Variants in STRBP observed in about 807,000 individuals in gnomAD.
STRBP encodes spermatid perinuclear RNA binding protein, also known as spermatid perinuclear RNA-binding protein.
In STRBP, 13 loss-of-function variants were observed where a neutral mutation model predicts 80.1. That is an observed-to-expected ratio of 0.16 (90% CI 0.11 to 0.26). The LOEUF (loss-of-function observed/expected upper bound fraction) is 0.26. Ranked by LOEUF, STRBP falls within the 10% of genes least tolerant of loss-of-function variation. The probability of loss-of-function intolerance (pLI) is 1.00; values close to 1 mark genes in which losing one functional copy is unlikely to be tolerated. For missense variants in STRBP, 485 were observed against 815.2 expected, an observed-to-expected ratio of 0.59 and a Z score of 4.93; for synonymous variants, 284 against 291.2, an observed-to-expected ratio of 0.98 and a Z score of 0.25.
In STRBP at chr9:123,115,319, C is replaced by G. The variant is rs1415651451; in HGVS notation, c.*84+610G>C. On this transcript the variant is annotated intron_variant and NMD_transcript_variant, in intron 3 of 3. Coordinates refer to the STRBP transcript ENST00000471564. This position sits in a 1 kb window ranked among gnomAD's most constrained non-coding sequence, Gnocchi z 5.0. ...TCAGTAAGCACTTCTCTCCTGAGGC[C>G]TGGCTCCTCTCCTGCCCTCGGCGGG... The G allele has an allele frequency of 2.1e-6, 1 of 471,148 alleles. No individual in the cohort carries two copies. The highest frequency in any genetic ancestry group is 2.0e-5 in the African/African-American group (1 of 50,192). 29.2% of individuals were successfully genotyped at this position (471,148 alleles called of 1,614,324 possible).
At chr9:123,208,102 A>G (rs1290178409) in intron 2 of STRBP, among the ~76,000 whole-genome samples, 2 of 151,966 alleles carry the variant, frequency 1.3e-5, no homozygotes, top group African/African-American at 4.8e-5. Flanking sequence ...GTTCTCCATC[A>G]AAGAAGACTG....
intron 11 of STRBP, among the ~76,000 whole-genome samples, chr9:123,156,496 G>T (rs1490888160): frequency 3.9e-5 from 6 of 152,006 alleles, no homozygotes; most frequent in Admixed American, 2.6e-4. Flanking sequence ...AGCACCCGAA[G>T]TGCTATGCTT....
At chr9:123,267,990 T>G (rs2132670816) in intron 1 of STRBP, among the ~76,000 whole-genome samples, 1 of 149,376 alleles carries the variant, frequency 6.7e-6, no homozygotes, top group Non-Finnish European at 1.5e-5. Context: ...CACCCCTATT[T>G]ACCCCCAAAT....
intron 1 of STRBP, among the ~76,000 whole-genome samples, chr9:123,253,661 C>A (rs927697111): frequency 2.6e-5 from 4 of 152,216 alleles, no homozygotes; most frequent in Admixed American, 1.3e-4. Context: ...ATAATATGCA[C>A]AACGCATGCC....
intron 9 of STRBP, 49 bp downstream of exon 9, chr9:123,159,047 T>G (rs2037411271): frequency 6.9e-7 from 1 of 1,448,770 alleles, no homozygotes; most frequent in Non-Finnish European, 9.7e-7. Flanking sequence ...AAAAATAAAC[T>G]AAACTGAGAT....
intron 13 of STRBP, 37 bp from the exon 14 acceptor site, chr9:123,139,724 C>T (rs1375502631): frequency 6.3e-7 from 1 of 1,592,488 alleles, no homozygotes; most frequent in East Asian, 2.2e-5. Context: ...TTTATTCAGA[C>T]ACGAGAAACC....
At chr9:123,175,057 CA>C (rs774769226) in intron 4 of STRBP, among the ~76,000 whole-genome samples, 7 of 152,146 alleles carry the variant, frequency 4.6e-5, no homozygotes, top group Non-Finnish European at 8.8e-5. Context: ...CATCTGAGCA[CA>C]AACAGGTGTC....
intron 2 of STRBP, among the ~76,000 whole-genome samples, chr9:123,229,291 A>C (rs912589732): frequency 6.6e-6 from 1 of 152,218 alleles, no homozygotes. Context: ...TAAATATACT[A>C]AAAACCACTG....
At chr9:123,158,457 A>G (rs758614969) in intron 9 of STRBP, 28 bp from the exon 10 acceptor site, 1 of 1,596,868 alleles carries the variant, frequency 6.3e-7, no homozygotes, top group East Asian at 2.2e-5. Flanking sequence ...CACAAGTATC[A>G]TTTAGAACTG....
intron 3 of STRBP, among the ~76,000 whole-genome samples, chr9:123,181,382 C>A (rs763326834): frequency 6.6e-6 from 1 of 152,156 alleles, no homozygotes. Flanking sequence ...AGCAAAACTG[C>A]GTATTGCTAC....
chr9:123,167,984 C>G (rs1190740042), intron 6 of STRBP, among the ~76,000 whole-genome samples: 2 of 151,700 alleles, frequency 1.3e-5, no homozygotes, highest in African/African-American at 4.9e-5. Flanking sequence ...ATAAAGATGA[C>G]TGATGTTCCC....
intron 2 of STRBP, among the ~76,000 whole-genome samples, chr9:123,227,040 G>C (rs764677921): frequency 2.0e-5 from 3 of 152,102 alleles, no homozygotes; most frequent in Non-Finnish European, 4.4e-5. Context: ...CCATTCGTGA[G>C]AGTAAATTCC....
At chr9:123,173,149 G>C (rs111865396) in intron 5 of STRBP, among the ~76,000 whole-genome samples, 3 of 152,138 alleles carry the variant, frequency 2.0e-5, no homozygotes, top group African/African-American at 7.2e-5. Context: ...GAACATGCCA[G>C]CATCATATTT....
At chr9:123,127,018 C>T (rs931135510) in intron 18 of STRBP, among the ~76,000 whole-genome samples, 4 of 152,178 alleles carry the variant, frequency 2.6e-5, no homozygotes, top group Non-Finnish European at 5.9e-5. Context: ...GAAGCCTTGA[C>T]CACACCCGAG....
At chr9:123,231,185 C>A (rs1381365002) in intron 2 of STRBP, among the ~76,000 whole-genome samples, 1 of 152,016 alleles carries the variant, frequency 6.6e-6, no homozygotes. Context: ...TTTTAATGTA[C>A]AACGAGGCCT....
chr9:123,241,179 CAAA>C (rs11303230), intron 1 of STRBP, among the ~76,000 whole-genome samples: 1 of 103,588 alleles, frequency 9.7e-6, no homozygotes. Context: ...AACTCCATCT[CAAA>C]AAAAAAAAAA....
chr9:123,254,100 A>G (rs1196763938), intron 1 of STRBP, among the ~76,000 whole-genome samples: 5 of 152,166 alleles, frequency 3.3e-5, no homozygotes, highest in Admixed American at 1.3e-4. Context: ...TAGGTGTAAT[A>G]ACACCCAATA....
chr9:123,206,315 G>A (rs1347391067), intron 2 of STRBP, among the ~76,000 whole-genome samples: 4 of 152,154 alleles, frequency 2.6e-5, no homozygotes, highest in African/African-American at 9.7e-5. Flanking sequence ...ACAGACAATT[G>A]GGGAAATTCG....
rs936836528 is a variant in STRBP at position 123,123,871 on chromosome 9, G to A, written c.*1726C>T. ...TGTTTCATCCATAGGTCAGCAAAAC[G>A]CATCAATGAAACATGAAAACTCCCA... is the stretch of plus-strand genomic sequence containing the variant. On this transcript the variant is annotated 3_prime_UTR_variant, in exon 19 of 19. Coordinates refer to ENST00000348403, the MANE Select transcript of STRBP (RefSeq NM_018387.5). The A allele has an allele frequency of 6.1e-6, 6 of 985,202 alleles. No homozygotes were observed. The African/African-American group carries it at 7.0e-5, about 11-fold the overall frequency. 61.0% of individuals were successfully genotyped at this position (985,202 alleles called of 1,614,324 possible).
Sources: gnomAD v4.1 joint callset for allele counts (sites outside exome capture counted in the v4.1 genomes callset) on GRCh38, gnomAD v4.1.1 for gene constraint, Gnocchi (gnomAD v3.1) non-coding constraint, MANE v1.5 for transcripts, NCBI Gene and HGNC (gene_info 2026-07-23, HGNC 2026-07-21) for gene names.